Variants in GHSR observed in about 807,000 individuals in gnomAD.
GHSR encodes growth hormone secretagogue receptor type 1.
In GHSR, 17 loss-of-function variants were observed where a neutral mutation model predicts 24.0. That is an observed-to-expected ratio of 0.71 (90% CI 0.49 to 1.06). The LOEUF is 1.06. Ranked by LOEUF, GHSR falls within the 50% of genes least tolerant of loss-of-function variation. The probability of loss-of-function intolerance (pLI) is 0.00; values close to 1 mark genes in which losing one functional copy is unlikely to be tolerated. For synonymous variants in GHSR, 238 were observed against 208.1 expected (o/e 1.14, Z -1.24); for missense variants, 504 against 483.1 (o/e 1.04, Z -0.41).
intron 1 of GHSR, 71 bp from the exon 2 acceptor site, chr3:172,445,536 C>T (rs752875086): frequency 3.8e-4 from 566 of 1,482,888 alleles, no homozygotes; most frequent in Non-Finnish European, 4.8e-4. Flanking sequence ...ATTTTTAAGA[C>T]TTTGTTTTTG....
intron 1 of GHSR, among the ~76,000 whole-genome samples, chr3:172,445,849 T>C (rs1737448034): frequency 6.6e-6 from 1 of 152,244 alleles, no homozygotes; most frequent in Non-Finnish European, 1.5e-5. Flanking sequence ...CCTGGGGCAC[T>C]TTTTAAAACA....
In GHSR at chr3:172,448,200, G is replaced by C. The variant is rs1370841716; in HGVS notation, c.214C>G (p.Arg72Gly). The change falls in exon 1 of 2, where the codon CGC becomes GGC. Residue 72 changes from arginine to glycine, a missense_variant. By Grantham distance (125) the Arg-to-Gly change is moderately radical. Coordinates refer to ENST00000241256, the MANE Select transcript of GHSR (RefSeq NM_198407.2). The surrounding 1 kb of genome is among the most constrained non-coding windows in gnomAD (Gnocchi z 4.8). ...LLTMLVVSRF[R>G]ELRTTTNLYL... The stretch of plus-strand genomic sequence containing the variant: ...AGGTTGGTGGTGGTGCGCAGCTCGC[G>C]GAAGCGCGACACCACCAGCATGGTG... The C allele has an allele frequency of 1.9e-6, 3 of 1,614,182 alleles. No homozygotes were observed. Among genetic ancestry groups the C allele is most frequent in the Non-Finnish European group, 2.5e-6 (3 of 1,180,048 alleles).
In GHSR at chr3:172,448,416, T is replaced by C; in HGVS notation, c.-3A>G. 1 of 1,589,306 alleles carries C rather than the reference T, an allele frequency of 6.3e-7. No individual in the cohort carries two copies. Among genetic ancestry groups the C allele is most frequent in the African/African-American group, 1.3e-5 (1 of 74,684 alleles). ...TCGCTGGGCGTCGCGTTCCACATGC[T>C]GCCGGCTCAGCTGAACAGGCTCTGG... On this transcript the variant is annotated 5_prime_UTR_variant, in exon 1 of 2. Transcript: ENST00000241256. The surrounding 1 kb of genome is among the most constrained non-coding windows in gnomAD (Gnocchi z 4.8).
Position 172,445,165 on chromosome 3 carries a change from GTAT to G in GHSR, c.1094_1096del (p.Asn365del). 1 of 1,614,122 alleles carries G rather than the reference GTAT, an allele frequency of 6.2e-7. No individual in the cohort carries two copies. The highest frequency in any genetic ancestry group is 8.5e-7 in the Non-Finnish European group (1 of 1,179,984). On this transcript the variant is annotated inframe_deletion, in exon 2 of 2. Coordinates refer to ENST00000241256, the MANE Select transcript of GHSR (RefSeq NM_198407.2). ...CTGTACTCGCAATGTGCTAGGTCAT[GTAT>G]TAATACTAGATTCTGTCCAGGCCCG...
At chr3:172,446,834 T>A (rs1320500555) in intron 1 of GHSR, among the ~76,000 whole-genome samples, 2 of 152,250 alleles carry the variant, frequency 1.3e-5, no homozygotes, top group Non-Finnish European at 2.9e-5. Flanking sequence ...CCTTTCCTCC[T>A]GTTGGAGCTT....
chr3:172,443,582 T>C lies in GHSR; in HGVS notation c.*1579A>G, dbSNP rs1737389816. The stretch of plus-strand genomic sequence containing the variant: ...TGAACCAATAACTTCATGAAGGAAC[T>C]GCTTATATGACTAAGTATTGCACAG... On this transcript the variant is annotated 3_prime_UTR_variant, in exon 2 of 2. Transcript: ENST00000241256. Among the ~76,000 whole-genome samples, 1 of 152,224 alleles carries C rather than the reference T, an allele frequency of 6.6e-6. No individual in the cohort carries two copies. The highest frequency in any genetic ancestry group is 6.5e-5 in the Admixed American group (1 of 15,284).
rs780283170 is a variant in GHSR at position 172,445,117 on chromosome 3, C to T, written c.*44G>A. The T allele has an allele frequency of 1.9e-5, 30 of 1,604,702 alleles. No individual in the cohort carries two copies. The South Asian group carries it at 2.2e-4, about 12-fold the overall frequency. On this transcript the variant is annotated 3_prime_UTR_variant, in exon 2 of 2. Coordinates refer to ENST00000241256, the MANE Select transcript of GHSR (RefSeq NM_198407.2). ...CCAAGTTCTGCTGTGCTATGTCTTC[C>T]GGTTTAGAGTAATAAGCGGTGACTG...
Position 172,445,147 on chromosome 3 carries a change from C to G in GHSR, c.*14G>C, listed in dbSNP as rs1737427274. 6.2e-7 allele frequency: 1 copy of G among 1,613,716 alleles called. No individual in the cohort carries two copies. Among genetic ancestry groups the G allele is most frequent in the Non-Finnish European group, 8.5e-7 (1 of 1,179,748 alleles). On this transcript the variant is annotated 3_prime_UTR_variant, in exon 2 of 2. Transcript: ENST00000241256. ...TAGAGTAATAAGCGGTGACTGTACT[C>G]GCAATGTGCTAGGTCATGTATTAAT...
In GHSR at chr3:172,443,642, T is replaced by C. The variant is rs1292164890; in HGVS notation, c.*1519A>G. Among the ~76,000 whole-genome samples, 1 of 152,194 alleles carries C rather than the reference T, an allele frequency of 6.6e-6. No individual in the cohort carries two copies. The highest frequency in any genetic ancestry group is 1.5e-5 in the Non-Finnish European group (1 of 68,000). Reference sequence around the variant, plus strand: ...AAAGTTATTTTTGGGTTAATACCTTTAGTATGCAAAGAGTTGACTGTATAG... The same window carrying C: ...AAAGTTATTTTTGGGTTAATACCTTCAGTATGCAAAGAGTTGACTGTATAG... On this transcript the variant is annotated 3_prime_UTR_variant, in exon 2 of 2. Transcript: ENST00000241256.
intron 1 of GHSR, 94 bp from the exon 2 acceptor site, chr3:172,445,559 T>TA: frequency 4.9e-6 from 6 of 1,223,106 alleles, no homozygotes; most frequent in Non-Finnish European, 5.9e-6. Context: ...TCATGGTCTA[T>TA]GACCATTGAC....
rs1737422571 is a variant in GHSR at position 172,444,979 on chromosome 3, T to A, written c.*182A>T. ...CAGAAATAGTGTATGAGAGCACTGA[T>A]AATTGTGCGATCAAATCAAACTGCT... On this transcript the variant is annotated 3_prime_UTR_variant, in exon 2 of 2. Transcript: ENST00000241256. Among the ~76,000 whole-genome samples, 1 of 152,174 alleles carries A rather than the reference T, an allele frequency of 6.6e-6. No homozygotes were observed. The highest frequency in any genetic ancestry group is 1.5e-5 in the Non-Finnish European group (1 of 68,032).
Position 172,445,100 on chromosome 3 carries a change from T to C in GHSR, c.*61A>G. 3.8e-6 allele frequency: 6 copies of C among 1,579,458 alleles called. No homozygotes were observed. Among genetic ancestry groups the C allele is most frequent in the East Asian group, 2.2e-5 (1 of 44,724 alleles). ...TAACCTTCAGCTTCCTCCCAAGTTCTGCTGTGCTATGTCTTCCGGTTTAGA... is the reference window on the plus strand; with the variant it reads ...TAACCTTCAGCTTCCTCCCAAGTTCCGCTGTGCTATGTCTTCCGGTTTAGA... On this transcript the variant is annotated 3_prime_UTR_variant, in exon 2 of 2. Coordinates refer to ENST00000241256, the MANE Select transcript of GHSR (RefSeq NM_198407.2).
rs147508651 is a variant in GHSR, at chr3:172,445,465, G to A, written c.797C>T (p.Ala266Val). The A allele has an allele frequency of 1.2e-6, 2 of 1,611,152 alleles. No individual in the cohort carries two copies. The highest frequency in any genetic ancestry group is 1.7e-6 in the Non-Finnish European group (2 of 1,179,092). Residue 266 changes from alanine (A) to valine (V), a missense_variant and splice_region_variant, in exon 2 of 2, where the codon GCT becomes GTT. By Grantham distance (64) the Ala-to-Val change is moderately conservative. Transcript: ENST00000241256. ...GAGGATGAAGGCAAACACCACTACAGCTAAAAGGACAATGGGAGAGAGATA... is the reference window on the plus strand; with the variant it reads ...GAGGATGAAGGCAAACACCACTACAACTAAAAGGACAATGGGAGAGAGATA... ...QNHKQTVKML[A>V]VVVFAFILCW...
intron 1 of GHSR, among the ~76,000 whole-genome samples, chr3:172,446,152 CA>C (rs1410710610): frequency 6.6e-6 from 1 of 152,058 alleles, no homozygotes; most frequent in Non-Finnish European, 1.5e-5. Context: ...ATTCAGAAAT[CA>C]GGGAAAAATA....
chr3:172,447,888 C>G lies in GHSR; in HGVS notation c.526G>C (p.Gly176Arg). 2 of 1,613,214 alleles carry G rather than the reference C, an allele frequency of 1.2e-6. No individual in the cohort carries two copies. Among genetic ancestry groups the G allele is most frequent in the Non-Finnish European group, 1.7e-6 (2 of 1,179,326 alleles). Residue 176 changes from glycine to arginine, a missense_variant, in exon 1 of 2, where the codon GGG (glycine) becomes CGG (arginine). By Grantham distance (125) the Gly-to-Arg change is moderately radical (BLOSUM62 -2). Transcript: ENST00000241256. ...ACCCCGACTAGCACGAAGATGGGCCCGGCGCTGCAGAAGGCCACGGCCCAG... is the reference window on the plus strand; with the variant it reads ...ACCCCGACTAGCACGAAGATGGGCCGGGCGCTGCAGAAGGCCACGGCCCAG... ...VIWAVAFCSA[G>R]PIFVLVGVEH...
rs1737433931 is a variant in GHSR, at chr3:172,445,375, T to G, written c.887A>C (p.Glu296Ala). The change falls in exon 2 of 2, where the codon GAG (glutamate) becomes GCG (alanine). Residue 296 changes from glutamate to alanine, a missense_variant. Physicochemically the swap from Glu to Ala is moderately radical, Grantham distance 107 (BLOSUM62 -1). Coordinates refer to ENST00000241256, the MANE Select transcript of GHSR (RefSeq NM_198407.2). Reference protein sequence around the residue: ...FSKSFEPGSLEIAQISQYCNL... With the variant: ...FSKSFEPGSLAIAQISQYCNL... ...GCAGTACTGGCTGATCTGAGCAATCTCCAAGGAGCCAGGCTCAAAGGATTT... is the reference window on the plus strand; with the variant it reads ...GCAGTACTGGCTGATCTGAGCAATCGCCAAGGAGCCAGGCTCAAAGGATTT... The G allele has an allele frequency of 6.2e-7, 1 of 1,613,978 alleles. No individual in the cohort carries two copies. Among genetic ancestry groups the G allele is most frequent in the Admixed American group, 1.7e-5 (1 of 59,984 alleles).
intron 1 of GHSR, 95 bp downstream of exon 1, chr3:172,447,523 G>A (rs1037918216): frequency 6.4e-7 from 1 of 1,558,694 alleles, no homozygotes; most frequent in African/African-American, 1.4e-5. Context: ...TAGCGACTCA[G>A]GGGGAAATAG....
At chr3:172,447,533 G>C (rs1229700737) in intron 1 of GHSR, 85 bp downstream of exon 1, 1 of 1,572,624 alleles carries the variant, frequency 6.4e-7, no homozygotes, top group Admixed American at 1.8e-5. Context: ...GGGGGAAATA[G>C]AGATGGAGAC....
At chr3:172,447,025 C>G (rs1418792296) in intron 1 of GHSR, among the ~76,000 whole-genome samples, 1 of 152,176 alleles carries the variant, frequency 6.6e-6, no homozygotes, top group Non-Finnish European at 1.5e-5. Context: ...GAAAACAAAT[C>G]ACAATATTGA....
Sources: gnomAD v4.1 joint callset for allele counts (sites outside exome capture counted in the v4.1 genomes callset) on GRCh38, gnomAD v4.1.1 for gene constraint, Gnocchi (gnomAD v3.1) non-coding constraint, MANE v1.5 for transcripts, NCBI Gene and HGNC (gene_info 2026-07-23, HGNC 2026-07-21) for gene names.